The following RBBP4 variants were observed in gnomAD, a reference collection of about 807,000 sequenced individuals.
RBBP4 encodes the protein histone-binding protein RBBP4.
Under a neutral mutation model 57.2 loss-of-function variants are expected in RBBP4, and 3 were observed. The ratio of observed to expected loss-of-function variants is 0.05; its 90% CI spans 0.02 to 0.14. The LOEUF (loss-of-function observed/expected upper bound fraction) is 0.14. Among genes scored for constraint, RBBP4 ranks in the 10% least tolerant of loss-of-function variants. The pLI, the probability that RBBP4 is intolerant of heterozygous loss-of-function variation, is 1.00. For missense variants in RBBP4, 107 were observed against 520.6 expected, an observed-to-expected ratio of 0.21 and a Z score of 7.73; for synonymous variants, 151 against 171.5, an observed-to-expected ratio of 0.88 and a Z score of 0.93.
intron 8 of RBBP4, among the ~76,000 whole-genome samples, chr1:32,670,648 C>G (rs1648834549): frequency 6.6e-6 from 1 of 152,056 alleles, no homozygotes; most frequent in African/African-American, 2.4e-5. Context: ...TCTCGGCTCA[C>G]TGCAACCTCC....
chr1:32,657,351 A>G, intron 2 of RBBP4, 76 bp from the exon 3 acceptor site: 1 of 1,401,094 alleles, frequency 7.1e-7, no homozygotes. Context: ...AGTGACTTTG[A>G]CATACATGTA....
Position 32,679,696 on chromosome 1 carries a change from AG to A in RBBP4, c.1272del (p.Ser425ProfsTer38), listed in dbSNP as rs1557862759. ...PEGSVDPEGQ[G>X]S is the part of the protein sequence containing the mutation. ...AAGGAAGCGTGGATCCAGAAGGACA[AG>A]GGTCCTAGATATGTCTTTACTTGTT... is the stretch of plus-strand genomic sequence containing the variant. On this transcript the variant is annotated frameshift_variant, in exon 12 of 12. Coordinates refer to ENST00000373493, the MANE Select transcript of RBBP4 (RefSeq NM_005610.3). LOFTEE classifies it high-confidence loss of function. 6.2e-7 allele frequency: 1 copy of A among 1,611,594 alleles called. No individual in the cohort carries two copies. The highest frequency in any genetic ancestry group is 8.5e-7 in the Non-Finnish European group (1 of 1,179,136).
intron 11 of RBBP4, among the ~76,000 whole-genome samples, chr1:32,677,137 G>A (rs953254341): frequency 1.3e-5 from 2 of 152,070 alleles, no homozygotes; most frequent in Admixed American, 1.3e-4. Context: ...TGTCTTTGTC[G>A]TTCCTAGTGA....
chr1:32,666,714 G>C (rs1302834959), intron 3 of RBBP4, among the ~76,000 whole-genome samples: 4 of 152,158 alleles, frequency 2.6e-5, no homozygotes, highest in African/African-American at 4.8e-5. Context: ...CCCAGGTGCC[G>C]AGGCAAGAGA....
chr1:32,678,617 T>C (rs1649230335), intron 11 of RBBP4, among the ~76,000 whole-genome samples: 1 of 102,052 alleles, frequency 9.8e-6, no homozygotes, highest in African/African-American at 4.0e-5. Context: ...TGGCACACAG[T>C]CTTGCTTTGC....
intron 1 of RBBP4, 106 bp from the exon 2 acceptor site, chr1:32,651,808 C>A: frequency 7.7e-7 from 1 of 1,300,146 alleles, no homozygotes; most frequent in Non-Finnish European, 1.1e-6. Flanking sequence ...TTAGACAAAT[C>A]ACCTCCATTT....
intron 2 of RBBP4, among the ~76,000 whole-genome samples, chr1:32,655,628 G>T (rs897884712): frequency 2.0e-5 from 3 of 152,018 alleles, no homozygotes; most frequent in Non-Finnish European, 4.4e-5. Flanking sequence ...TTTTTCTTCT[G>T]CCTGCCCGTG....
chr1:32,654,798 A>G (rs1384729335), intron 2 of RBBP4, among the ~76,000 whole-genome samples: 1 of 152,100 alleles, frequency 6.6e-6, no homozygotes, highest in African/African-American at 2.4e-5. Flanking sequence ...GGTTCAATCG[A>G]TTCTCCTGCC....
chr1:32,685,751 T>C lies in RBBP4; in HGVS notation c.*6046T>C, dbSNP rs143180728. On this transcript the variant is annotated 3_prime_UTR_variant, in exon 12 of 12. Coordinates refer to ENST00000373493, the MANE Select transcript of RBBP4 (RefSeq NM_005610.3). The stretch of plus-strand genomic sequence containing the variant: ...CCCGTTGGTAAGGTACAAAAGTACA[T>C]GCTTGGAAAAGCAGTCTGCACCACC... 1.1e-4 allele frequency: 16 copies of C among 152,318 alleles called. No homozygotes were observed. The East Asian group carries it at 2.9e-3, about 28-fold the overall frequency. 9.4% of individuals were successfully genotyped at this position (152,318 alleles called of 1,614,324 possible). A position where few individuals can be genotyped will look rare whatever the true frequency, so the allele number is the denominator to read the frequency against.
chr1:32,677,826 TC>T (rs1389619226), intron 11 of RBBP4, among the ~76,000 whole-genome samples: 1 of 152,160 alleles, frequency 6.6e-6, no homozygotes, highest in African/African-American at 2.4e-5. Flanking sequence ...GATCACAAGC[TC>T]TTTGAAGGTA....
In RBBP4 at chr1:32,680,361, T is replaced by TG; in HGVS notation, c.*656_*657insG. The TG allele has an allele frequency of 2.8e-6, 3 of 1,056,260 alleles. No individual in the cohort carries two copies. The highest frequency in any genetic ancestry group is 3.5e-6 in the Non-Finnish European group (3 of 854,308). The allele number at this position is 1,056,260 out of a possible 1,614,324, so 65.4% of individuals were successfully genotyped here. On this transcript the variant is annotated 3_prime_UTR_variant, in exon 12 of 12. Coordinates refer to ENST00000373493, the MANE Select transcript of RBBP4 (RefSeq NM_005610.3). ...GTGTTTTTTTTTTTGTTGTTGGTTTTTTTTTTTTTTTTTTTAACTTGGGAC... is the reference window on the plus strand; with the variant it reads ...GTGTTTTTTTTTTTGTTGTTGGTTTTGTTTTTTTTTTTTTTTAACTTGGGAC...
chr1:32,674,241 T>C (rs1455914450), intron 11 of RBBP4, among the ~76,000 whole-genome samples: 4 of 152,272 alleles, frequency 2.6e-5, no homozygotes, highest in East Asian at 1.9e-4. Flanking sequence ...TTTGCGACAA[T>C]TTGGAGGTGG....
chr1:32,655,522 T>C (rs1444333530), intron 2 of RBBP4, among the ~76,000 whole-genome samples: 1 of 152,206 alleles, frequency 6.6e-6, no homozygotes, highest in African/African-American at 2.4e-5. Flanking sequence ...TTCTTTTCAG[T>C]GTAATGTAGA....
At chr1:32,653,209 A>G (rs555547727) in intron 2 of RBBP4, among the ~76,000 whole-genome samples, 36 of 152,302 alleles carry the variant, frequency 2.4e-4, no homozygotes, top group African/African-American at 8.2e-4. Context: ...CAGAGGAAGG[A>G]AAATTTGCCT....
chr1:32,653,428 T>A (rs1647978637), intron 2 of RBBP4, among the ~76,000 whole-genome samples: 2 of 152,130 alleles, frequency 1.3e-5, no homozygotes, highest in African/African-American at 2.4e-5. Context: ...AAAGTTAAGA[T>A]AATTGCAAAA....
At chr1:32,675,060 T>C (rs1649041461) in intron 11 of RBBP4, among the ~76,000 whole-genome samples, 1 of 149,620 alleles carries the variant, frequency 6.7e-6, no homozygotes, top group African/African-American at 2.5e-5. Context: ...GACGGAGTTT[T>C]GTTCTTATTT....
At chr1:32,667,209 T>C (rs1454984317) in intron 3 of RBBP4, among the ~76,000 whole-genome samples, 1 of 152,244 alleles carries the variant, frequency 6.6e-6, no homozygotes, top group African/African-American at 2.4e-5. Flanking sequence ...TCATGCTCCT[T>C]GTCCACTTTC....
At chr1:32,676,326 C>T (rs988621252) in intron 11 of RBBP4, among the ~76,000 whole-genome samples, 2 of 151,700 alleles carry the variant, frequency 1.3e-5, no homozygotes, top group African/African-American at 4.9e-5. Context: ...GATTACTGGC[C>T]AGGTGTGGTG....
At chr1:32,677,101 A>G (rs1282001387) in intron 11 of RBBP4, among the ~76,000 whole-genome samples, 1 of 152,114 alleles carries the variant, frequency 6.6e-6, no homozygotes, top group Non-Finnish European at 1.5e-5. Flanking sequence ...CTCCAAAAAC[A>G]CTCGGAGTTT....
Sources: gnomAD v4.1 joint callset for allele counts (sites outside exome capture counted in the v4.1 genomes callset) on GRCh38, gnomAD v4.1.1 for gene constraint, MANE v1.5 for transcripts, NCBI Gene and HGNC (gene_info 2026-07-23, HGNC 2026-07-21) for gene names.